The following PIEZO2 variants were observed in gnomAD, a reference collection of about 807,000 sequenced individuals.
The protein encoded by PIEZO2 is piezo type mechanosensitive ion channel component 2.
A neutral mutation model predicts 337.3 loss-of-function variants in PIEZO2; 172 were observed. The ratio of observed to expected loss-of-function variants is 0.51; its 90% CI spans 0.45 to 0.58. The LOEUF is 0.58. Among genes scored for constraint, PIEZO2 ranks in the 20% least tolerant of loss-of-function variants. The pLI, the probability that PIEZO2 is intolerant of heterozygous loss-of-function variation, is 0.00. For synonymous variants in PIEZO2, 1,251 were observed against 1,228.5 expected, an observed-to-expected ratio of 1.02 and a Z score of -0.38; for missense variants, 3,028 against 3,391.3, an observed-to-expected ratio of 0.89 and a Z score of 2.66.
chr18:11,082,004 C>A (rs900236294), intron 1 of PIEZO2, among the ~76,000 whole-genome samples: 8 of 152,160 alleles, frequency 5.3e-5, no homozygotes, highest in African/African-American at 1.7e-4. Context: ...AGGTGATCCA[C>A]CCGCCTCAGC....
At position 10,773,845 on chromosome 18, in the gene PIEZO2, G is replaced by A. The variant is rs1238742820; in HGVS notation, c.2567+161C>T. Among the ~76,000 whole-genome samples, 1 of 152,170 alleles carries A rather than the reference G, an allele frequency of 6.6e-6. No homozygotes were observed. The highest frequency in any genetic ancestry group is 2.4e-5 in the African/African-American group (1 of 41,432). ...CTGTAAACTTGGTTAGGTTTTGTTA[G>A]CTTTTTTAATTCGGGTTCTAGTGAT... On this transcript the variant is annotated intron_variant, in intron 19 of 55. Transcript: ENST00000674853. The surrounding 1 kb of genome is among the most constrained non-coding windows in gnomAD (Gnocchi z 5.3).
chr18:11,109,400 G>T lies in PIEZO2; in HGVS notation c.64+39125C>A, dbSNP rs543475400. On this transcript the variant is annotated intron_variant, in intron 1 of 55. Transcript: ENST00000674853. The surrounding 1 kb of genome is among the most constrained non-coding windows in gnomAD (Gnocchi z 5.1). ...TGGGGTGGCAGGTGGGAGCTGGGGG[G>T]TGTAGCTCTGATTTCAGTATGGAAT... Among the ~76,000 whole-genome samples, 30 of 152,244 alleles carry T rather than the reference G, an allele frequency of 2.0e-4. No homozygotes were observed. The highest frequency in any genetic ancestry group is 6.5e-4 in the African/African-American group (27 of 41,540).
intron 14 of PIEZO2, among the ~76,000 whole-genome samples, chr18:10,790,063 A>T (rs1463689386): frequency 1.3e-5 from 2 of 152,214 alleles, no homozygotes. Context: ...GAAGAGTGAA[A>T]ATCAAGTGAG....
intron 2 of PIEZO2, among the ~76,000 whole-genome samples, chr18:11,013,433 C>T (rs1246511579): frequency 1.3e-5 from 2 of 152,190 alleles, no homozygotes; most frequent in African/African-American, 2.4e-5. Flanking sequence ...TAAGATAATA[C>T]ATTTGTATTG....
In PIEZO2 at chr18:10,706,971, G is replaced by C. The variant is rs77710697; in HGVS notation, c.5589-1225C>G. 6.2e-3 allele frequency among the ~76,000 whole-genome samples: 950 copies of C among 152,286 alleles called. 6 individuals are homozygous for C. Among genetic ancestry groups the C allele is most frequent in the African/African-American group, 0.022 (901 of 41,546 alleles). On this transcript the variant is annotated intron_variant, in intron 40 of 55. Coordinates refer to ENST00000674853, the MANE Select transcript of PIEZO2 (RefSeq NM_001378183.1). ...AGTATAGACATATGGATGAATGAAT[G>C]AATGAATGAACCTTGGCAGAGCGGC...
At chr18:11,122,158 T>G (rs1598992552) in intron 1 of PIEZO2, among the ~76,000 whole-genome samples, 1 of 152,144 alleles carries the variant, frequency 6.6e-6, no homozygotes, top group East Asian at 1.9e-4. Flanking sequence ...GGTTTCACCA[T>G]GTTAGCCAGG....
In PIEZO2 at chr18:10,945,542, C is replaced by T. The variant is rs912222596; in HGVS notation, c.286+33993G>A. Among the ~76,000 whole-genome samples, 10 of 152,020 alleles carry T rather than the reference C, an allele frequency of 6.6e-5. No individual in the cohort carries two copies. Among genetic ancestry groups the T allele is most frequent in the African/African-American group, 2.4e-4 (10 of 41,370 alleles). On this transcript the variant is annotated intron_variant, in intron 3 of 55. Transcript: ENST00000674853. This position sits in a 1 kb window ranked among gnomAD's most constrained non-coding sequence, Gnocchi z 4.0. ...ACACCCCCAAGAGATCAAAACATTT[C>T]CAAATAACTTAACTGCATTTCAGAA...
chr18:10,823,901 G>A (rs1331764251), intron 7 of PIEZO2, among the ~76,000 whole-genome samples: 1 of 152,226 alleles, frequency 6.6e-6, no homozygotes, highest in Non-Finnish European at 1.5e-5. Context: ...GCCACATTTC[G>A]TTCTGCCAGC....
chr18:11,034,241 A>C (rs563888208), intron 2 of PIEZO2, among the ~76,000 whole-genome samples: 28 of 152,296 alleles, frequency 1.8e-4, no homozygotes, highest in African/African-American at 6.3e-4. Context: ...TCTATTAAAA[A>C]ATGGGTGAGA....
At chr18:10,845,501 A>T (rs1472561362) in intron 7 of PIEZO2, among the ~76,000 whole-genome samples, 1 of 152,238 alleles carries the variant, frequency 6.6e-6, no homozygotes, top group African/African-American at 2.4e-5. Flanking sequence ...TAATAAAAAA[A>T]TCACATACAT....
chr18:10,726,650 G>C lies in PIEZO2; in HGVS notation c.5029+4757C>G. The stretch of plus-strand genomic sequence containing the variant: ...TGGGAGTACTGCGCGCGCGCCAAGC[G>C]CGGCCAGACAGACACCTCGCTGCCA... On this transcript the variant is annotated intron_variant, in intron 36 of 55. Coordinates refer to ENST00000674853, the MANE Select transcript of PIEZO2 (RefSeq NM_001378183.1). This position sits in a 1 kb window ranked among gnomAD's most constrained non-coding sequence, Gnocchi z 5.9. 1.4e-6 allele frequency: 2 copies of C among 1,411,952 alleles called. No homozygotes were observed. Among genetic ancestry groups the C allele is most frequent in the Non-Finnish European group, 9.6e-7 (1 of 1,040,892 alleles). 87.5% of individuals were successfully genotyped at this position (1,411,952 alleles called of 1,614,324 possible). A position where few individuals can be genotyped will look rare whatever the true frequency, so the allele number is the denominator to read the frequency against.
At chr18:11,147,457 T>C (rs1285281583) in intron 1 of PIEZO2, among the ~76,000 whole-genome samples, 2 of 152,224 alleles carry the variant, frequency 1.3e-5, no homozygotes, top group East Asian at 1.9e-4. Flanking sequence ...CCCCATTCGA[T>C]TGCTTGCACA....
At chr18:10,760,713 G>C (rs889754132) in intron 24 of PIEZO2, among the ~76,000 whole-genome samples, 198 bp downstream of exon 24, 25 of 152,216 alleles carry the variant, frequency 1.6e-4, no homozygotes, top group African/African-American at 5.3e-4. Flanking sequence ...TGCTGTGGAG[G>C]GGGGTGTTCA....
Position 11,051,923 on chromosome 18 carries a change from G to GT in PIEZO2, c.160+14203dup, listed in dbSNP as rs2037550588. 2.0e-5 allele frequency among the ~76,000 whole-genome samples: 3 copies of GT among 152,342 alleles called. No homozygotes were observed. In the East Asian group the frequency reaches 5.8e-4, roughly 29 times the overall value. On this transcript the variant is annotated intron_variant, in intron 2 of 55. Transcript: ENST00000674853. The stretch of plus-strand genomic sequence containing the variant: ...TGGACAACTGGAAAGGCTTGGTGAA[G>GT]TGAAGCCACGAAAGAAAAGCAGGAA...
chr18:11,111,687 A>G lies in PIEZO2; in HGVS notation c.64+36838T>C, dbSNP rs931371093. On this transcript the variant is annotated intron_variant, in intron 1 of 55. Transcript: ENST00000674853. The surrounding 1 kb of genome is among the most constrained non-coding windows in gnomAD (Gnocchi z 6.2). Reference sequence around the variant, plus strand: ...TGACATCCAATCCCCACTTAATTGAAGTCGACAAGGCTTCTTGAACTGACA... The same window carrying G: ...TGACATCCAATCCCCACTTAATTGAGGTCGACAAGGCTTCTTGAACTGACA... Among the ~76,000 whole-genome samples, 1 of 152,168 alleles carries G rather than the reference A, an allele frequency of 6.6e-6. No homozygotes were observed. The highest frequency in any genetic ancestry group is 2.4e-5 in the African/African-American group (1 of 41,416).
chr18:10,925,517 C>T (rs1265646548), intron 3 of PIEZO2, among the ~76,000 whole-genome samples: 1 of 152,000 alleles, frequency 6.6e-6, no homozygotes, highest in East Asian at 1.9e-4. Flanking sequence ...ACACACATTC[C>T]ATGAAGAAAA....
chr18:11,070,727 G>A lies in PIEZO2; in HGVS notation c.65-4505C>T, dbSNP rs1382691993. Among the ~76,000 whole-genome samples the A allele has an allele frequency of 2.0e-5, 3 of 152,304 alleles. No individual in the cohort carries two copies. In the East Asian group the frequency reaches 5.8e-4, roughly 29 times the overall value. On this transcript the variant is annotated intron_variant, in intron 1 of 55. Transcript: ENST00000674853. The surrounding 1 kb of genome is among the most constrained non-coding windows in gnomAD (Gnocchi z 4.3). ...GTCAACCTATGGAAGTGCAGTGAAC[G>A]TGCTGCCACAACCAGGAAGCTGGAA...
At chr18:10,693,668 A>G (rs2034961164) in intron 47 of PIEZO2, among the ~76,000 whole-genome samples, 1 of 150,466 alleles carries the variant, frequency 6.6e-6, no homozygotes, top group African/African-American at 2.4e-5. Context: ...GCCCAACCCA[A>G]TCCGGATGTC....
rs2033422061 is a variant in PIEZO2, at chr18:10,954,142, T to A, written c.286+25393A>T. Among the ~76,000 whole-genome samples, 1 of 152,248 alleles carries A rather than the reference T, an allele frequency of 6.6e-6. No individual in the cohort carries two copies. The highest frequency in any genetic ancestry group is 2.4e-5 in the African/African-American group (1 of 41,462). ...ATCTTCAAATTTTTATTTTTCATTT[T>A]CAAAATTACTTTGGCTATTGTAGTT... On this transcript the variant is annotated intron_variant, in intron 3 of 55. Coordinates refer to ENST00000674853, the MANE Select transcript of PIEZO2 (RefSeq NM_001378183.1). This position sits in a 1 kb window ranked among gnomAD's most constrained non-coding sequence, Gnocchi z 4.2.
Sources: gnomAD v4.1 joint callset for allele counts (sites outside exome capture counted in the v4.1 genomes callset) on GRCh38, gnomAD v4.1.1 for gene constraint, Gnocchi (gnomAD v3.1) non-coding constraint, MANE v1.5 for transcripts, NCBI Gene and HGNC (gene_info 2026-07-23, HGNC 2026-07-21) for gene names.